ISM1: variants seen among roughly 807,000 people sequenced by gnomAD.
The protein encoded by ISM1 is isthmin-1.
Under a neutral mutation model 46.3 loss-of-function variants are expected in ISM1, and 25 were observed. The ratio of observed to expected loss-of-function variants is 0.54; its 90% CI spans 0.39 to 0.75. The LOEUF is 0.75. Among genes scored for constraint, ISM1 ranks in the 30% least tolerant of loss-of-function variants. The pLI, the probability that ISM1 is intolerant of heterozygous loss-of-function variation, is 0.00. For missense variants in ISM1, 536 were observed against 625.4 expected, an observed-to-expected ratio of 0.86 and a Z score of 1.52; for synonymous variants, 255 against 256.7, an observed-to-expected ratio of 0.99 and a Z score of 0.06.
chr20:13,234,205 G>A (rs2039622401), intron 1 of ISM1, among the ~76,000 whole-genome samples: 1 of 152,184 alleles, frequency 6.6e-6, no homozygotes, highest in South Asian at 2.1e-4. Context: ...TTATAAGGGA[G>A]AACGTGGTAT....
At chr20:13,311,247 A>AGATT in the ISM1 span, among the ~76,000 whole-genome samples, 1 of 116,222 alleles carries the variant, frequency 8.6e-6, no homozygotes, top group African/African-American at 3.8e-5. Context: ...GATAGATGAT[A>AGATT]GATAGATAGA....
At chr20:13,277,159 T>G (rs1260241692) in intron 2 of ISM1, among the ~76,000 whole-genome samples, 1 of 152,204 alleles carries the variant, frequency 6.6e-6, no homozygotes, top group African/African-American at 2.4e-5. Context: ...AAAAATCATA[T>G]TGACGGTAAT....
chr20:13,249,779 C>T (rs76784084), intron 1 of ISM1, among the ~76,000 whole-genome samples: 7 of 141,692 alleles, frequency 4.9e-5, no homozygotes, highest in Admixed American at 1.4e-4. Context: ...TTTTTTGTTG[C>T]GTTTTGTTTT....
At chr20:13,321,378 C>A in the ISM1 span, among the ~76,000 whole-genome samples, 2 of 151,284 alleles carry the variant, frequency 1.3e-5, no homozygotes, top group African/African-American at 2.4e-5. Flanking sequence ...AAAATTCTTA[C>A]AGCTAGTGTG....
intron 1 of ISM1, among the ~76,000 whole-genome samples, chr20:13,231,256 G>A (rs996120022): frequency 1.8e-4 from 28 of 152,328 alleles, no homozygotes; most frequent in African/African-American, 5.8e-4. Flanking sequence ...CATTAACAGC[G>A]AGGAAGTCTG....
the ISM1 span, among the ~76,000 whole-genome samples, chr20:13,322,267 A>G: frequency 9.9e-5 from 15 of 152,152 alleles, no homozygotes; most frequent in Non-Finnish European, 4.4e-5. Flanking sequence ...CGTCATCTTC[A>G]AAGGCAGTTT....
intron 1 of ISM1, among the ~76,000 whole-genome samples, chr20:13,246,709 T>C (rs1011739467): frequency 3.3e-5 from 5 of 152,254 alleles, no homozygotes; most frequent in East Asian, 3.8e-4. Context: ...TCTAAGACCT[T>C]GTCCAATCCC....
chr20:13,310,930 AC>A, the ISM1 span, among the ~76,000 whole-genome samples: 4 of 152,236 alleles, frequency 2.6e-5, no homozygotes, highest in Admixed American at 1.3e-4. Context: ...ACGGTGGCTC[AC>A]GCCTGTAATC....
the ISM1 span, among the ~76,000 whole-genome samples, chr20:13,321,253 T>TAAAAAAAAAAAAAAAAAAAAAAAAAAAA: frequency 5.2e-5 from 3 of 57,514 alleles, no homozygotes; most frequent in Non-Finnish European, 9.5e-5. Context: ...GTGCCCCACA[T>TAAAAAAAAAAAAAAAAAAAAAAAAAAAA]AAAAAAAAAA....
In ISM1 at chr20:13,270,510, C is replaced by T; in HGVS notation, c.145C>T (p.Leu49Phe). The T allele has an allele frequency of 6.2e-7, 1 of 1,612,416 alleles. No individual in the cohort carries two copies. The highest frequency in any genetic ancestry group is 1.1e-5 in the South Asian group (1 of 90,548). The change falls in exon 2 of 6, where the codon CTC becomes TTC. Residue 49 changes from leucine (L) to phenylalanine (F), a missense_variant. This residue lies in a region of ISM1 where 367 missense variants were observed against 376.1 expected (regional missense o/e 0.98). Coordinates refer to ENST00000262487, the MANE Select transcript of ISM1 (RefSeq NM_080826.2). ...GCTTGTTTGTTTGTTTTAGAATAACCTCAACGTGGGAAGTGACACCACATC... is the reference window on the plus strand; with the variant it reads ...GCTTGTTTGTTTGTTTTAGAATAACTTCAACGTGGGAAGTGACACCACATC... ...NASQAQLQNN[L>F]NVGSDTTSET...
intron 1 of ISM1, among the ~76,000 whole-genome samples, chr20:13,223,170 A>G (rs2039472533): frequency 6.9e-6 from 1 of 145,334 alleles, no homozygotes; most frequent in Admixed American, 6.7e-5. Flanking sequence ...AAAAAAATAA[A>G]ATAAAATAAA....
intron 1 of ISM1, among the ~76,000 whole-genome samples, chr20:13,233,031 A>G (rs1471038285): frequency 6.6e-6 from 1 of 152,038 alleles, no homozygotes; most frequent in Non-Finnish European, 1.5e-5. Context: ...GACCAAAAAA[A>G]AAAAAGAAAA....
chr20:13,225,966 C>T (rs2039520397), intron 1 of ISM1, among the ~76,000 whole-genome samples: 1 of 151,854 alleles, frequency 6.6e-6, no homozygotes, highest in Non-Finnish European at 1.5e-5. Context: ...AAAGGTATCT[C>T]CTTTGTCTGA....
the ISM1 span, among the ~76,000 whole-genome samples, chr20:13,309,035 A>G: frequency 1.3e-5 from 2 of 152,208 alleles, no homozygotes; most frequent in African/African-American, 4.8e-5. Context: ...TTTATAGGCC[A>G]CTCAGTCTAT....
chr20:13,261,999 C>A (rs998016918), intron 1 of ISM1, among the ~76,000 whole-genome samples: 3 of 152,186 alleles, frequency 2.0e-5, no homozygotes, highest in Admixed American at 6.5e-5. Flanking sequence ...TGTTCGACAC[C>A]CGTTCCCTCT....
rs535893980 is a variant in ISM1, at chr20:13,272,191, A to G, written c.378+1448A>G. Among the ~76,000 whole-genome samples, 11 of 152,266 alleles carry G rather than the reference A, an allele frequency of 7.2e-5. No individual in the cohort carries two copies. The East Asian group carries it at 2.1e-3, about 29-fold the overall frequency. ...TGCTTACATAGCAGAAAGTTCCTGA[A>G]CTTGGACTCAGACCAATTGATCCTT... On this transcript the variant is annotated intron_variant, in intron 2 of 5. Coordinates refer to ENST00000262487, the MANE Select transcript of ISM1 (RefSeq NM_080826.2).
rs1194543314 is a variant in ISM1, at chr20:13,221,736, C to T, written c.-41C>T. 3.0e-5 allele frequency: 40 copies of T among 1,349,532 alleles called. No individual in the cohort carries two copies. The highest frequency in any genetic ancestry group is 3.7e-5 in the Non-Finnish European group (39 of 1,054,116). 83.6% of individuals were successfully genotyped at this position (1,349,532 alleles called of 1,614,324 possible). A position where few individuals can be genotyped will look rare whatever the true frequency, so the allele number is the denominator to read the frequency against. On this transcript the variant is annotated 5_prime_UTR_variant, in exon 1 of 6. Transcript: ENST00000262487. ...CCCCCGGCGTCACCGCCGCCGCCGC[C>T]GGCCGCCGCGCCGGGTCCTAAAGCC...
At chr20:13,263,857 T>C (rs1297374157) in intron 1 of ISM1, among the ~76,000 whole-genome samples, 1 of 152,250 alleles carries the variant, frequency 6.6e-6, no homozygotes, top group Non-Finnish European at 1.5e-5. Context: ...AGAGAGGCTG[T>C]AGTGACATTA....
chr20:13,325,919 A>C, the ISM1 span, among the ~76,000 whole-genome samples: 1 of 152,198 alleles, frequency 6.6e-6, no homozygotes, highest in Non-Finnish European at 1.5e-5. Context: ...CGACCATCAA[A>C]AAAGTGGTAC....
Sources: gnomAD v4.1 joint callset for allele counts (sites outside exome capture counted in the v4.1 genomes callset) on GRCh38, gnomAD v4.1.1 for gene constraint, gnomAD v4.1.1 regional missense constraint, MANE v1.5 for transcripts, NCBI Gene and HGNC (gene_info 2026-07-23, HGNC 2026-07-21) for gene names.